Variants in CFAP161 observed in about 807,000 individuals in gnomAD.
The protein encoded by CFAP161 is cilia- and flagella-associated protein 161.
Under a neutral mutation model 29.0 loss-of-function variants are expected in CFAP161, and 25 were observed. The ratio of observed to expected loss-of-function variants is 0.86; its 90% CI spans 0.63 to 1.20. CFAP161 has a LOEUF of 1.20. CFAP161 is among the 50% of genes most tolerant of loss of function. The probability of loss-of-function intolerance (pLI) is 0.00; values close to 1 mark genes in which losing one functional copy is unlikely to be tolerated. For missense variants in CFAP161, 367 were observed against 371.9 expected (o/e 0.99, Z 0.11); for synonymous variants, 116 against 137.4 (o/e 0.84, Z 1.09).
rs1466640192 is a variant in CFAP161, at chr15:81,148,701, G to C, written c.*168G>C. Reference sequence around the variant, plus strand: ...ATTAAGATTATTGAATTTGTGGTGGGAGTCTAGGGCTGAAGAAAAACAGCT... The same window carrying C: ...ATTAAGATTATTGAATTTGTGGTGGCAGTCTAGGGCTGAAGAAAAACAGCT... On this transcript the variant is annotated 3_prime_UTR_variant, in exon 7 of 7. Transcript: ENST00000286732. 5.0e-6 allele frequency: 3 copies of C among 596,976 alleles called. No individual in the cohort carries two copies. The East Asian group carries it at 8.8e-5, about 18-fold the overall frequency. 37.0% of individuals were successfully genotyped at this position (596,976 alleles called of 1,614,324 possible).
chr15:81,115,267 C>T (rs189465363), intron 1 of CFAP161, among the ~76,000 whole-genome samples: 44 of 152,164 alleles, frequency 2.9e-4, no homozygotes, highest in African/African-American at 9.2e-4. Context: ...TTCACATTTC[C>T]CGTTTTTGAT....
chr15:81,125,313 A>C (rs1894627216), intron 1 of CFAP161, among the ~76,000 whole-genome samples: 1 of 152,134 alleles, frequency 6.6e-6, no homozygotes, highest in Non-Finnish European at 1.5e-5. Context: ...AAATATATGA[A>C]TGTGTTGCTG....
chr15:81,123,096 A>T (rs568003648), intron 1 of CFAP161, among the ~76,000 whole-genome samples: 1 of 152,100 alleles, frequency 6.6e-6, no homozygotes, highest in Non-Finnish European at 1.5e-5. Flanking sequence ...TGGCATCTTC[A>T]TCATGAAATC....
chr15:81,108,059 G>A (rs145060343), intron 1 of CFAP161, among the ~76,000 whole-genome samples: 13 of 152,214 alleles, frequency 8.5e-5, no homozygotes, highest in African/African-American at 2.9e-4. Flanking sequence ...TAAGGGAACC[G>A]GAGAAGCTGA....
chr15:81,123,903 T>C (rs1170648058), intron 1 of CFAP161, among the ~76,000 whole-genome samples: 2 of 152,238 alleles, frequency 1.3e-5, no homozygotes. Flanking sequence ...CCTGAGACTT[T>C]GCTGAAGTTG....
chr15:81,142,303 T>C (rs937838164), intron 4 of CFAP161, among the ~76,000 whole-genome samples: 2 of 151,942 alleles, frequency 1.3e-5, no homozygotes, highest in Non-Finnish European at 2.9e-5. Flanking sequence ...TAAAATTTAT[T>C]ATTATTATTA....
chr15:81,147,306 T>G (rs1445574872), intron 5 of CFAP161, among the ~76,000 whole-genome samples: 4 of 152,078 alleles, frequency 2.6e-5, no homozygotes, highest in Admixed American at 1.3e-4. Context: ...ACCCGCTCTT[T>G]TCACTTTAAA....
chr15:81,114,048 A>G (rs1894467577), intron 1 of CFAP161, among the ~76,000 whole-genome samples: 1 of 152,252 alleles, frequency 6.6e-6, no homozygotes, highest in South Asian at 2.1e-4. Context: ...TATGTTTCTT[A>G]TAATACCACA....
intron 1 of CFAP161, among the ~76,000 whole-genome samples, chr15:81,124,450 A>G (rs1050360084): frequency 6.7e-6 from 1 of 148,718 alleles, no homozygotes; most frequent in Non-Finnish European, 1.5e-5. Flanking sequence ...GATGTTCACC[A>G]AGGATACTGG....
At chr15:81,148,013 G>C in intron 6 of CFAP161, 82 bp downstream of exon 6, 3 of 1,131,614 alleles carry the variant, frequency 2.7e-6, no homozygotes, top group Non-Finnish European at 3.9e-6. Flanking sequence ...AATTGATAGT[G>C]TATGGCTGCA....
rs921756799 is a variant in CFAP161 at position 81,136,639 on chromosome 15, A to G, written c.283A>G (p.Thr95Ala). 30 of 1,613,910 alleles carry G rather than the reference A, an allele frequency of 1.9e-5. No homozygotes were observed. Among genetic ancestry groups the G allele is most frequent in the African/African-American group, 9.4e-5 (7 of 74,866 alleles). The change falls in exon 3 of 7, where the codon ACT becomes GCT. Residue 95 changes from threonine to alanine, a missense_variant. Physicochemically the swap from Thr to Ala is moderately conservative, Grantham distance 58 (BLOSUM62 0). Transcript: ENST00000286732. ...FLRGDLSLCM[T>A]PDEIQSHLKD... ...GCGTGGGGACCTGAGCCTGTGTATG[A>G]CTCCAGATGAAATTCAGTCCCATCT...
chr15:81,105,110 CTT>C (rs1894347647), intron 1 of CFAP161, among the ~76,000 whole-genome samples: 1 of 60,788 alleles, frequency 1.6e-5, no homozygotes, highest in African/African-American at 7.2e-5. Context: ...CCCTCCCTTC[CTT>C]TCTCCCCCAT....
chr15:81,138,561 C>A (rs1290074927), intron 4 of CFAP161, among the ~76,000 whole-genome samples: 1 of 152,030 alleles, frequency 6.6e-6, no homozygotes, highest in Non-Finnish European at 1.5e-5. Context: ...GGAGTAGGGA[C>A]AATATGAGAT....
chr15:81,116,845 G>C lies in CFAP161; in HGVS notation c.-141-10745G>C, dbSNP rs1020829515. Among the ~76,000 whole-genome samples, 3 of 152,168 alleles carry C rather than the reference G, an allele frequency of 2.0e-5. No individual in the cohort carries two copies. In the South Asian group the frequency reaches 6.2e-4, roughly 31 times the overall value. ...TGTAGCCAAATATTAGAGAAAATTA[G>C]GAGAATTCAGGGTCTAGTCTAGTCT... On this transcript the variant is annotated intron_variant, in intron 1 of 4. Coordinates refer to the CFAP161 transcript ENST00000560091.
In CFAP161 at chr15:81,138,153, A is replaced by G. The variant is rs778132526; in HGVS notation, c.477+18A>G. Reference sequence around the variant, plus strand: ...ACAAAATGGTGAGTTATCACTTTGCATATCTACTTTGGATCAGTCATTTCT... The same window carrying G: ...ACAAAATGGTGAGTTATCACTTTGCGTATCTACTTTGGATCAGTCATTTCT... On this transcript the variant is annotated intron_variant, in intron 4 of 6. Transcript: ENST00000286732. The G allele has an allele frequency of 6.3e-6, 10 of 1,580,940 alleles. No individual in the cohort carries two copies. The African/African-American group carries it at 6.7e-5, about 11-fold the overall frequency.
At chr15:81,133,901 TGCTG>T (rs1894758967), upstream of CFAP161, among the ~76,000 whole-genome samples, 1 of 24,092 alleles carries the variant, frequency 4.2e-5, no homozygotes, top group Non-Finnish European at 1.4e-4. Flanking sequence ...AAATTGCTGC[TGCTG>T]CTGCTGCTGC....
In CFAP161 at chr15:81,148,419, G is replaced by C; in HGVS notation, c.792G>C (p.Trp264Cys). Reference sequence around the variant, plus strand: ...GAGTTGAGAAACCAAGGAACCACTGGATGTTGGTTACTGGGAATCCCAGGG... The same window carrying C: ...GAGTTGAGAAACCAAGGAACCACTGCATGTTGGTTACTGGGAATCCCAGGG... ...SHRVEKPRNHWMLVTGNPRDA... is the reference protein window; with the variant it reads ...SHRVEKPRNHCMLVTGNPRDA... The change falls in exon 7 of 7, where the codon TGG (tryptophan) becomes TGC (cysteine). Residue 264 changes from tryptophan to cysteine, a missense_variant. By Grantham distance (215) the Trp-to-Cys change is radical. Transcript: ENST00000286732. 6.2e-7 allele frequency: 1 copy of C among 1,614,088 alleles called. No individual in the cohort carries two copies. The highest frequency in any genetic ancestry group is 1.3e-5 in the African/African-American group (1 of 75,028).
At position 81,147,884 on chromosome 15, in the gene CFAP161, C is replaced by G; in HGVS notation, c.663C>G (p.His221Gln). The G allele has an allele frequency of 6.2e-7, 1 of 1,611,704 alleles. No individual in the cohort carries two copies. Among genetic ancestry groups the G allele is most frequent in the Non-Finnish European group, 8.5e-7 (1 of 1,179,082 alleles). ...CAAATGCTAAAATTCTCATCAATCA[C>G]TGTCACACAAATCGGGGACTGGCAG... ...VPANAKILINHCHTNRGLAAH... is the reference protein window; with the variant it reads ...VPANAKILINQCHTNRGLAAH... Residue 221 changes from histidine (H) to glutamine (Q), a missense_variant, in exon 6 of 7, where the codon CAC becomes CAG. By Grantham distance (24) the His-to-Gln change is conservative. Coordinates refer to ENST00000286732, the MANE Select transcript of CFAP161 (RefSeq NM_173528.4).
In CFAP161 at chr15:81,143,738, A is replaced by G. The variant is rs1894955501; in HGVS notation, c.554A>G (p.Asp185Gly). ...TGGCTCCAGGAAGTGTACCTAACAG[A>G]TGAGGTCTCCCATGTGAACTGCTGG... ...RSWLQEVYLT[D>G]EVSHVNCWQA... The change falls in exon 5 of 7, where the codon GAT becomes GGT. Residue 185 changes from aspartate to glycine, a missense_variant. Coordinates refer to ENST00000286732, the MANE Select transcript of CFAP161 (RefSeq NM_173528.4). 6.2e-7 allele frequency: 1 copy of G among 1,613,992 alleles called. No individual in the cohort carries two copies. The highest frequency in any genetic ancestry group is 1.1e-5 in the South Asian group (1 of 91,074).
Sources: gnomAD v4.1 joint callset for allele counts (sites outside exome capture counted in the v4.1 genomes callset) on GRCh38, gnomAD v4.1.1 for gene constraint, MANE v1.5 for transcripts, NCBI Gene and HGNC (gene_info 2026-07-23, HGNC 2026-07-21) for gene names.